Variants in DBNDD2 observed in about 807,000 individuals in gnomAD.
DBNDD2 encodes the protein dysbindin domain containing 2.
Under a neutral mutation model 14.0 loss-of-function variants are expected in DBNDD2, and 8 were observed. That is an observed-to-expected ratio of 0.57 (90% CI 0.33 to 1.03). DBNDD2 has a LOEUF of 1.03. Among genes scored for constraint, DBNDD2 ranks in the 50% least tolerant of loss-of-function variants. The pLI is 0.03. For synonymous variants in DBNDD2, 94 were observed against 85.3 expected, an observed-to-expected ratio of 1.10 and a Z score of -0.56; for missense variants, 194 against 206.0, an observed-to-expected ratio of 0.94 and a Z score of 0.36.
upstream of DBNDD2, chr20:45,406,858 T>C: frequency 8.5e-7 from 1 of 1,175,760 alleles, no homozygotes; most frequent in Non-Finnish European, 1.1e-6. Flanking sequence ...TGTCCCTTTT[T>C]AGGGAATTTT....
chr20:45,409,050 G>A, intron 2 of DBNDD2, 112 bp downstream of exon 2: 1 of 1,606,036 alleles, frequency 6.2e-7, no homozygotes, highest in South Asian at 1.1e-5. Context: ...AGGGCTGGAA[G>A]TGGGTGTTTC....
At chr20:45,408,708 C>T (rs2743270) in intron 1 of DBNDD2, 93 bp from the exon 2 acceptor site, 1 of 1,578,090 alleles carries the variant, frequency 6.3e-7, no homozygotes, top group Non-Finnish European at 8.7e-7. Context: ...TTTCTTGGCC[C>T]TCTATGCTTC....
At chr20:45,408,276 T>G (rs1391497778), upstream of DBNDD2, 1 of 1,555,546 alleles carries the variant, frequency 6.4e-7, no homozygotes, top group East Asian at 2.4e-5. Context: ...GCATGAGACT[T>G]GGTTTGTGGG....
chr20:45,409,102 A>T (rs1044950981), intron 2 of DBNDD2, 164 bp downstream of exon 2: 21 of 1,409,766 alleles, frequency 1.5e-5, no homozygotes, highest in Non-Finnish European at 2.0e-5. Flanking sequence ...AGGGAAGTTG[A>T]CCCTGAGGGA....
intron 2 of DBNDD2, among the ~76,000 whole-genome samples, chr20:45,409,323 C>T (rs1402129088): frequency 6.6e-6 from 1 of 152,052 alleles, no homozygotes; most frequent in African/African-American, 2.4e-5. Context: ...TACTAAAGTA[C>T]TTTACATATA....
upstream of DBNDD2, chr20:45,406,663 C>T (rs1216524571): frequency 3.0e-6 from 4 of 1,346,016 alleles, no homozygotes; most frequent in African/African-American, 1.6e-5. Flanking sequence ...CGGCGCGGCT[C>T]GCTCCCACGC....
chr20:45,409,889 T>A, intron 2 of DBNDD2, 43 bp from the exon 3 acceptor site: 2 of 1,545,732 alleles, frequency 1.3e-6, no homozygotes, highest in Non-Finnish European at 1.8e-6. Context: ...AAGAGTTCTC[T>A]GAAGCCCTGT....
chr20:45,407,390 A>T, upstream of DBNDD2: 1 of 985,912 alleles, frequency 1.0e-6, no homozygotes, highest in East Asian at 1.1e-4. Context: ...AGGGTCTGGG[A>T]TACGCTGGGT....
upstream of DBNDD2, chr20:45,407,533 C>T: frequency 1.0e-6 from 1 of 986,104 alleles, no homozygotes; most frequent in Non-Finnish European, 1.2e-6. Context: ...AATGCACCGA[C>T]CTGGGCTGGC....
At chr20:45,406,823 C>T (rs1989436556), upstream of DBNDD2, 3 of 1,214,246 alleles carry the variant, frequency 2.5e-6, no homozygotes, top group South Asian at 1.2e-4. Flanking sequence ...GGAGCGCCCT[C>T]CCCCCGTCCT....
Position 45,410,380 on chromosome 20 carries a change from TGAG to T in DBNDD2, c.*244_*246del. On this transcript the variant is annotated 3_prime_UTR_variant, in exon 3 of 3. Transcript: ENST00000372710. ...TTACTCCTGAGATATGATTTGCAAA[TGAG>T]GAGAGAGAAGATGAGGTTGGACAAG... is the stretch of plus-strand genomic sequence containing the variant. 1.9e-6 allele frequency: 1 copy of T among 525,852 alleles called. No individual in the cohort carries two copies. Among genetic ancestry groups the T allele is most frequent in the Non-Finnish European group, 3.4e-6 (1 of 291,534 alleles). The allele number at this position is 525,852 out of a possible 1,614,324, so 32.6% of individuals were successfully genotyped here.
chr20:45,408,018 A>G, upstream of DBNDD2: 1 of 1,430,586 alleles, frequency 7.0e-7, no homozygotes, highest in Non-Finnish European at 9.2e-7. Flanking sequence ...GCACTGGAGG[A>G]AGGGAACCCT....
In DBNDD2 at chr20:45,408,824, A is replaced by G; in HGVS notation, c.163A>G (p.Met55Val). Residue 55 changes from methionine to valine, a missense_variant, in exon 2 of 3, where the codon ATG (methionine) becomes GTG (valine). Transcript: ENST00000372710. ...AGCCCCCATAGGTAGTATCTCATCC[A>G]TGGAAGTGAATGTGGACACACTGGA... The part of the protein sequence containing the change: ...QRPPIGSISS[M>V]EVNVDTLEQV... 2 of 1,614,204 alleles carry G rather than the reference A, an allele frequency of 1.2e-6. No individual in the cohort carries two copies. Among genetic ancestry groups the G allele is most frequent in the Non-Finnish European group, 1.7e-6 (2 of 1,180,048 alleles).
In DBNDD2 at chr20:45,409,466, A is replaced by G. The variant is rs117648170; in HGVS notation, c.278-466A>G. Among the ~76,000 whole-genome samples the G allele has an allele frequency of 4.0e-3, 615 of 152,144 alleles. 2 individuals carry two copies. Among genetic ancestry groups the G allele is most frequent in the Non-Finnish European group, 6.6e-3 (446 of 67,990 alleles). ...ATAAACTGGAATTCATGTCTGTCTG[A>G]CTCCAAAGCCCATATGCTTAACTTG... On this transcript the variant is annotated intron_variant, in intron 2 of 2. Coordinates refer to ENST00000372710, the MANE Select transcript of DBNDD2 (RefSeq NM_001048225.4).
chr20:45,406,364 C>T, upstream of DBNDD2: 1 of 1,262,388 alleles, frequency 7.9e-7, no homozygotes, highest in Non-Finnish European at 1.1e-6. Flanking sequence ...GGGGGCGCAG[C>T]AAGTGCATCC....
upstream of DBNDD2, chr20:45,406,795 G>A (rs1276780246): frequency 7.2e-6 from 9 of 1,248,578 alleles, no homozygotes; most frequent in Non-Finnish European, 9.0e-6. Flanking sequence ...ACCGGAGCAC[G>A]AGGGGAACGG....
At chr20:45,408,743 C>G (rs978164851) in intron 1 of DBNDD2, 58 bp from the exon 2 acceptor site, 10 of 1,586,834 alleles carry the variant, frequency 6.3e-6, no homozygotes, top group East Asian at 2.2e-5. Flanking sequence ...ACATGTAACT[C>G]TCACTGTCCT....
chr20:45,407,883 A>T (rs114922962), upstream of DBNDD2: 2,745 of 1,191,114 alleles, frequency 2.3e-3, 51 homozygotes, highest in African/African-American at 0.038. Flanking sequence ...CTTCAGAGCA[A>T]GGGTTTGGGG....
chr20:45,409,882 A>G (rs1347025857), intron 2 of DBNDD2, 50 bp from the exon 3 acceptor site: 7 of 1,531,464 alleles, frequency 4.6e-6, no homozygotes, highest in East Asian at 4.9e-5. Flanking sequence ...AATCTTTAAG[A>G]GTTCTCTGAA....
Sources: allele counts gnomAD v4.1 joint callset (sites outside exome capture counted in the v4.1 genomes callset), GRCh38; gene constraint gnomAD v4.1.1; transcripts MANE v1.5; gene names NCBI Gene and HGNC (gene_info 2026-07-23, HGNC 2026-07-21).